TPH2: variants seen among roughly 807,000 people sequenced by gnomAD.
TPH2 encodes the protein tryptophan hydroxylase 2.
Under a neutral mutation model 59.1 loss-of-function variants are expected in TPH2, and 27 were observed. The observed-to-expected ratio is 0.46, with a 90% confidence interval of 0.34 to 0.63. The LOEUF (loss-of-function observed/expected upper bound fraction) is 0.63, where lower values mean the gene tolerates loss of function less well. Among genes scored for constraint, TPH2 ranks in the 30% least tolerant of loss-of-function variants. The pLI is 0.01. For synonymous variants in TPH2, 220 were observed against 210.5 expected, an observed-to-expected ratio of 1.05 and a Z score of -0.39; for missense variants, 523 against 588.3, an observed-to-expected ratio of 0.89 and a Z score of 1.15.
chr12:71,945,476 G>A (rs1233520392), intron 4 of TPH2, among the ~76,000 whole-genome samples: 2 of 152,080 alleles, frequency 1.3e-5, no homozygotes, highest in Non-Finnish European at 2.9e-5. Flanking sequence ...AGATAAAAGA[G>A]TGAAACCCAA....
chr12:71,994,290 TA>T, intron 7 of TPH2, 148 bp from the exon 8 acceptor site: 2 of 801,966 alleles, frequency 2.5e-6, no homozygotes, highest in Non-Finnish European at 4.1e-6. Context: ...TCAGACATAT[TA>T]AAATGATTAA....
In TPH2 at chr12:72,031,751, G is replaced by T; in HGVS notation, c.*56G>T. On this transcript the variant is annotated 3_prime_UTR_variant, in exon 11 of 11. Coordinates refer to ENST00000333850, the MANE Select transcript of TPH2 (RefSeq NM_173353.4). ...CTTTTTGGGGCTTAGCAGCAGTTCAGTCAATGTCATATAACGCAAATAACC... is the reference window on the plus strand; with the variant it reads ...CTTTTTGGGGCTTAGCAGCAGTTCATTCAATGTCATATAACGCAAATAACC... 6.2e-7 allele frequency: 1 copy of T among 1,603,272 alleles called. No individual in the cohort carries two copies. The highest frequency in any genetic ancestry group is 1.7e-4 in the Middle Eastern group (1 of 6,028).
intron 7 of TPH2, among the ~76,000 whole-genome samples, chr12:71,985,000 T>A (rs1165081066): frequency 6.6e-6 from 1 of 152,238 alleles, no homozygotes; most frequent in Non-Finnish European, 1.5e-5. Flanking sequence ...AATACGTTTA[T>A]TATGAATAGC....
At chr12:72,023,879 T>C (rs1426902259) in intron 9 of TPH2, among the ~76,000 whole-genome samples, 1 of 144,898 alleles carries the variant, frequency 6.9e-6, no homozygotes, top group African/African-American at 2.5e-5. Context: ...AAATAGACAA[T>C]ATTTCTGGTG....
At chr12:71,940,094 A>T (rs1592855995) in intron 1 of TPH2, among the ~76,000 whole-genome samples, 1 of 152,240 alleles carries the variant, frequency 6.6e-6, no homozygotes, top group Admixed American at 6.5e-5. Flanking sequence ...ACATTTAAAT[A>T]TCATGAATAT....
chr12:72,012,041 C>T (rs1394553692), intron 8 of TPH2, among the ~76,000 whole-genome samples: 1 of 152,218 alleles, frequency 6.6e-6, no homozygotes, highest in African/African-American at 2.4e-5. Flanking sequence ...CTGACATTGA[C>T]TCTGTTGGTA....
chr12:71,998,512 C>T (rs1419353849), intron 8 of TPH2, among the ~76,000 whole-genome samples: 1 of 151,900 alleles, frequency 6.6e-6, no homozygotes, highest in African/African-American at 2.4e-5. Flanking sequence ...AAAAAAAACC[C>T]CACAGATTCC....
intron 5 of TPH2, among the ~76,000 whole-genome samples, chr12:71,950,105 A>T (rs1222957423): frequency 6.6e-6 from 1 of 152,188 alleles, no homozygotes; most frequent in Non-Finnish European, 1.5e-5. Flanking sequence ...ATGGAGAGGA[A>T]AACTTCCTGT....
chr12:71,950,041 G>A lies in TPH2; in HGVS notation c.608+386G>A, dbSNP rs150798490. ...TGAAAGTAGAGGATTCAGCAAGAAC[G>A]GTGAAAGGGCTCAGTTAAGGAGCCG... On this transcript the variant is annotated intron_variant, in intron 5 of 10. Coordinates refer to ENST00000333850, the MANE Select transcript of TPH2 (RefSeq NM_173353.4). 4.1e-4 allele frequency among the ~76,000 whole-genome samples: 63 copies of A among 152,266 alleles called. No individual in the cohort carries two copies. In the East Asian group the frequency reaches 0.011, roughly 27 times the overall value.
At chr12:72,023,916 C>T (rs571993470) in intron 9 of TPH2, among the ~76,000 whole-genome samples, 1 of 151,432 alleles carries the variant, frequency 6.6e-6, no homozygotes, top group Admixed American at 6.6e-5. Flanking sequence ...CCATGTAATG[C>T]TCATAAGAAC....
At chr12:72,003,710 A>G (rs937637924) in intron 8 of TPH2, among the ~76,000 whole-genome samples, 5 of 152,158 alleles carry the variant, frequency 3.3e-5, no homozygotes, top group Non-Finnish European at 5.9e-5. Flanking sequence ...GGTGTTTGCC[A>G]TCTATTTATA....
At chr12:72,015,315 G>GTTTTTTTTT (rs869231666) in intron 8 of TPH2, among the ~76,000 whole-genome samples, 6 of 98,974 alleles carry the variant, frequency 6.1e-5, no homozygotes, top group East Asian at 3.0e-4. Context: ...TTTTTTGGTT[G>GTTTTTTTTT]TTTTTTTTTT....
At chr12:71,992,676 G>C (rs1027055587) in intron 7 of TPH2, among the ~76,000 whole-genome samples, 1 of 151,836 alleles carries the variant, frequency 6.6e-6, no homozygotes, top group Non-Finnish European at 1.5e-5. Context: ...CTAAATTTTA[G>C]CTTCCTCATT....
chr12:71,956,009 C>G (rs974632393), intron 5 of TPH2, among the ~76,000 whole-genome samples: 2 of 152,180 alleles, frequency 1.3e-5, no homozygotes, highest in African/African-American at 4.8e-5. Context: ...TCTCATAAAG[C>G]AAACTGTTGA....
Position 71,969,176 on chromosome 12 carries a change from C to T in TPH2, c.609-3343C>T, listed in dbSNP as rs554458795. On this transcript the variant is annotated intron_variant, in intron 5 of 10. Coordinates refer to ENST00000333850, the MANE Select transcript of TPH2 (RefSeq NM_173353.4). ...CGGGCGCCTGTAGTCCCAGCTACCCCGGAGGCTGAGGCAGGAGAATGGCGT... is the reference window on the plus strand; with the variant it reads ...CGGGCGCCTGTAGTCCCAGCTACCCTGGAGGCTGAGGCAGGAGAATGGCGT... Among the ~76,000 whole-genome samples the T allele has an allele frequency of 8.9e-4, 135 of 151,940 alleles. 4 individuals carry two copies. The East Asian group carries it at 0.014, about 16-fold the overall frequency.
At chr12:72,015,758 T>C (rs978038015) in intron 8 of TPH2, among the ~76,000 whole-genome samples, 5 of 152,166 alleles carry the variant, frequency 3.3e-5, no homozygotes, top group Non-Finnish European at 5.9e-5. Flanking sequence ...TAGACTTGCA[T>C]CTGAAAGGAC....
chr12:71,972,859 G>A (rs10879348), intron 6 of TPH2, 144 bp downstream of exon 6: 40,831 of 835,682 alleles, frequency 0.049, 2,007 homozygotes, highest in South Asian at 0.16. Flanking sequence ...AATTACCTGC[G>A]GCCACCTGTG....
chr12:71,971,262 C>G (rs1451760076), intron 5 of TPH2, among the ~76,000 whole-genome samples: 1 of 152,154 alleles, frequency 6.6e-6, no homozygotes, highest in Non-Finnish European at 1.5e-5. Context: ...AGGGGCACAA[C>G]TCCTAGTTTT....
At chr12:71,941,303 C>A (rs889639544) in intron 1 of TPH2, among the ~76,000 whole-genome samples, 2 of 152,030 alleles carry the variant, frequency 1.3e-5, no homozygotes, top group Non-Finnish European at 2.9e-5. Context: ...GCAGGCGTTA[C>A]GACAGTCAGG....
Sources: allele counts gnomAD v4.1 joint callset (sites outside exome capture counted in the v4.1 genomes callset), GRCh38; gene constraint gnomAD v4.1.1; transcripts MANE v1.5; gene names NCBI Gene and HGNC (gene_info 2026-07-23, HGNC 2026-07-21).